The following LRRCC1 variants were observed in gnomAD, a reference collection of about 807,000 sequenced individuals.
LRRCC1 encodes leucine-rich repeat and coiled-coil domain-containing protein 1.
LRRCC1 carries 115 observed loss-of-function variants against 126.0 expected under a neutral mutation model. The ratio of observed to expected loss-of-function variants is 0.91; its 90% CI spans 0.78 to 1.07. The LOEUF is 1.07. Ranked by LOEUF, LRRCC1 falls within the 50% of genes least tolerant of loss-of-function variation. The pLI is 0.00. For synonymous variants in LRRCC1, 400 were observed against 393.4 expected, an observed-to-expected ratio of 1.02 and a Z score of -0.20; for missense variants, 1,172 against 1,175.7, an observed-to-expected ratio of 1.00 and a Z score of 0.05.
At chr8:85,110,074 AT>A in intron 2 of LRRCC1, 40 bp from the exon 3 acceptor site, 3 of 876,158 alleles carry the variant, frequency 3.4e-6, no homozygotes, top group South Asian at 3.5e-5. Context: ...AATTATTTAA[AT>A]TTTATAAAGG....
chr8:85,120,668 G>A (rs936986705), intron 6 of LRRCC1, among the ~76,000 whole-genome samples: 2 of 152,014 alleles, frequency 1.3e-5, no homozygotes, highest in African/African-American at 4.8e-5. Context: ...CTATGGATTT[G>A]CCTATTTTGA....
chr8:85,141,587 G>A lies in LRRCC1; in HGVS notation c.2976+70G>A, dbSNP rs529973973. 1.8e-5 allele frequency: 21 copies of A among 1,190,656 alleles called. No homozygotes were observed. In the South Asian group the frequency reaches 2.5e-4, roughly 14 times the overall value. The allele number at this position is 1,190,656 out of a possible 1,614,324, so 73.8% of individuals were successfully genotyped here. On this transcript the variant is annotated intron_variant, in intron 18 of 18. Transcript: ENST00000360375. ...TTATAGCTAAATAAATTAGATCTTC[G>A]AGAATTATAAAGAGAAAAGGCAACA...
At chr8:85,126,915 C>T in intron 9 of LRRCC1, 78 bp downstream of exon 9, 1 of 1,234,362 alleles carries the variant, frequency 8.1e-7, no homozygotes, top group Non-Finnish European at 1.1e-6. Context: ...ACATTAGTTT[C>T]AGTGTGGTTC....
chr8:85,141,358 T>C, intron 17 of LRRCC1, 24 bp from the exon 18 acceptor site: 1 of 1,597,130 alleles, frequency 6.3e-7, no homozygotes. Context: ...CACATATATA[T>C]GTGGATGTTC....
chr8:85,144,533 A>G (rs1161473801), intron 18 of LRRCC1, among the ~76,000 whole-genome samples: 1 of 142,280 alleles, frequency 7.0e-6, no homozygotes, highest in Non-Finnish European at 1.5e-5. Flanking sequence ...CAATGGCACT[A>G]TCTTGCCTTA....
chr8:85,138,192 A>C lies in LRRCC1; in HGVS notation c.2651A>C (p.Gln884Pro). The C allele has an allele frequency of 1.9e-6, 3 of 1,612,532 alleles. No individual in the cohort carries two copies. Among genetic ancestry groups the C allele is most frequent in the Non-Finnish European group, 2.5e-6 (3 of 1,179,242 alleles). The change falls in exon 16 of 19, where the codon CAA (glutamine) becomes CCA (proline). Residue 884 changes from glutamine to proline, a missense_variant. Physicochemically the swap from Gln to Pro is moderately conservative, Grantham distance 76 (BLOSUM62 -1). Transcript: ENST00000360375. ...RHNERKEKLKQQLKGKEVELE... is the reference protein window; with the variant it reads ...RHNERKEKLKPQLKGKEVELE... Reference sequence around the variant, plus strand: ...AATGAAAGAAAAGAAAAACTAAAACAACAGTTGAAAGGAAAGGAAGTAGAA... The same window carrying C: ...AATGAAAGAAAAGAAAAACTAAAACCACAGTTGAAAGGAAAGGAAGTAGAA...
rs772576411 is a variant in LRRCC1 at position 85,141,406 on chromosome 8, T to C, written c.2865T>C (p.Ser955=). Residue 955 remains serine (S), a synonymous_variant, in exon 18 of 19, where the codon AGT becomes AGC. Coordinates refer to ENST00000360375, the MANE Select transcript of LRRCC1 (RefSeq NM_033402.5). ...GGAATGCAATGGAAAAACTTCATAG[T>C]ATGGATGATGCCTTTAAAAGACAAG... ...LQKNAMEKLH[S]MDDAFKRQVD... 1.2e-6 allele frequency: 2 copies of C among 1,612,768 alleles called. No homozygotes were observed. Among genetic ancestry groups the C allele is most frequent in the Non-Finnish European group, 1.7e-6 (2 of 1,179,176 alleles).
chr8:85,110,027 G>C, intron 2 of LRRCC1, 88 bp from the exon 3 acceptor site: 3 of 656,220 alleles, frequency 4.6e-6, no homozygotes, highest in Non-Finnish European at 7.6e-6. Context: ...CTTCAGAACA[G>C]TCTGAAATAA....
intron 6 of LRRCC1, among the ~76,000 whole-genome samples, chr8:85,120,485 A>G (rs1161886145): frequency 3.9e-5 from 6 of 152,198 alleles, no homozygotes; most frequent in African/African-American, 1.4e-4. Flanking sequence ...TTACTCTTTT[A>G]TCATCATGAA....
intron 6 of LRRCC1, 21 bp from the exon 7 acceptor site, chr8:85,123,392 T>G: frequency 6.6e-7 from 1 of 1,524,152 alleles, no homozygotes; most frequent in African/African-American, 1.4e-5. Context: ...TAACAAATTT[T>G]GTTGGCTTTT....
At chr8:85,129,146 C>A in intron 9 of LRRCC1, 29 bp from the exon 10 acceptor site, 1 of 1,474,006 alleles carries the variant, frequency 6.8e-7, no homozygotes, top group South Asian at 1.2e-5. Flanking sequence ...GTGTAATATA[C>A]TTAACACCAC....
Position 85,135,870 on chromosome 8 carries a change from G to A in LRRCC1, c.2236G>A (p.Val746Ile), listed in dbSNP as rs780329669. Residue 746 changes from valine (V) to isoleucine (I), a missense_variant, in exon 14 of 19, where the codon GTC becomes ATC. Transcript: ENST00000360375. The stretch of plus-strand genomic sequence containing the variant: ...AATAGAACTTCTCAAGCACGAAAAA[G>A]TCCAGCTTATTTCTGAGCTAGCAGC... Reference protein sequence around the residue: ...IQIELLKHEKVQLISELAAKE... With the variant: ...IQIELLKHEKIQLISELAAKE... 8.1e-6 allele frequency: 13 copies of A among 1,606,978 alleles called. No individual in the cohort carries two copies. The highest frequency in any genetic ancestry group is 4.4e-5 in the South Asian group (4 of 90,118).
In LRRCC1 at chr8:85,129,905, G is replaced by A. The variant is rs1810317011; in HGVS notation, c.1627-14G>A. ...CTATTATCTAAATAATGTAATTGTG[G>A]GTATTTTACTCAGATAAGACTGATC... On this transcript the variant is annotated splice_polypyrimidine_tract_variant and intron_variant, in intron 10 of 18. Transcript: ENST00000360375. The A allele has an allele frequency of 2.7e-6, 4 of 1,500,620 alleles. No homozygotes were observed. The highest frequency in any genetic ancestry group is 2.5e-5 in the Admixed American group (1 of 39,356). The allele number at this position is 1,500,620 out of a possible 1,614,324, so 93.0% of individuals were successfully genotyped here.
At position 85,135,966 on chromosome 8, in the gene LRRCC1, A is replaced by G; in HGVS notation, c.2329+3A>G. ...GGGACATGAGCTGGCACAACAAGGT[A>G]AAATTCTCAGATTTTCAAAGGGAAA... On this transcript the variant is annotated splice_donor_region_variant and intron_variant, in intron 14 of 18. Transcript: ENST00000360375. 1.3e-6 allele frequency: 2 copies of G among 1,556,044 alleles called. No homozygotes were observed. The highest frequency in any genetic ancestry group is 1.7e-6 in the Non-Finnish European group (2 of 1,152,768).
chr8:85,124,772 C>T lies in LRRCC1; in HGVS notation c.1125-20C>T. 1 of 1,450,018 alleles carries T rather than the reference C, an allele frequency of 6.9e-7. No homozygotes were observed. Among genetic ancestry groups the T allele is most frequent in the Admixed American group, 2.4e-5 (1 of 42,382 alleles). 89.8% of individuals were successfully genotyped at this position (1,450,018 alleles called of 1,614,324 possible). Reference sequence around the variant, plus strand: ...GAACACTACTTTTTTGAGTTATTTTCTATGTTTCATTCTTTACAGTTGTAA... The same window carrying T: ...GAACACTACTTTTTTGAGTTATTTTTTATGTTTCATTCTTTACAGTTGTAA... On this transcript the variant is annotated intron_variant, in intron 7 of 18. Coordinates refer to ENST00000360375, the MANE Select transcript of LRRCC1 (RefSeq NM_033402.5).
rs76984229 is a variant in LRRCC1, at chr8:85,142,848, G to A, written c.2976+1331G>A. On this transcript the variant is annotated intron_variant, in intron 18 of 18. Coordinates refer to ENST00000360375, the MANE Select transcript of LRRCC1 (RefSeq NM_033402.5). ...CCCTGTCTCAAAAAAAAAAAAAAAA[G>A]AAAAGAAAAGAAAAATTATAATCAA... Among the ~76,000 whole-genome samples, 110 of 76,270 alleles carry A rather than the reference G, an allele frequency of 1.4e-3. 1 individual carries two copies. The highest frequency in any genetic ancestry group is 6.6e-3 in the Middle Eastern group (1 of 152). 50.0% of individuals were successfully genotyped at this position (76,270 alleles called of 152,430 possible).
chr8:85,141,985 CT>C (rs1811283203), intron 18 of LRRCC1, among the ~76,000 whole-genome samples: 1 of 152,082 alleles, frequency 6.6e-6, no homozygotes, highest in South Asian at 2.1e-4. Flanking sequence ...TCAGAAGCAC[CT>C]ATGAAGCTTT....
intron 17 of LRRCC1, among the ~76,000 whole-genome samples, chr8:85,140,627 C>T (rs1470060578): frequency 1.3e-5 from 2 of 152,120 alleles, no homozygotes; most frequent in Non-Finnish European, 2.9e-5. Context: ...TAATGTGTTT[C>T]GTCCACTAAG....
Position 85,137,491 on chromosome 8 carries a change from A to C in LRRCC1, c.2357A>C (p.Lys786Thr). ...QGSSLAQNRG[K>T]LEAQIESLSR... ...TCTTCTCTAGCCCAAAATCGTGGAA[A>C]ATTGGAGGCTCAAATTGAGAGTTTA... is the stretch of plus-strand genomic sequence containing the variant. The change falls in exon 15 of 19, where the codon AAA becomes ACA. Residue 786 changes from lysine (K) to threonine (T), a missense_variant. Transcript: ENST00000360375. 6.4e-7 allele frequency: 1 copy of C among 1,556,508 alleles called. No homozygotes were observed. The highest frequency in any genetic ancestry group is 8.6e-7 in the Non-Finnish European group (1 of 1,159,714).
Sources: gnomAD v4.1 joint callset for allele counts (sites outside exome capture counted in the v4.1 genomes callset) on GRCh38, gnomAD v4.1.1 for gene constraint, MANE v1.5 for transcripts, NCBI Gene and HGNC (gene_info 2026-07-23, HGNC 2026-07-21) for gene names.